Variants in FOXP1 observed in about 807,000 individuals in gnomAD.
FOXP1 encodes the protein forkhead box P1, also known as forkhead box protein P1.
A neutral mutation model predicts 98.2 loss-of-function variants in FOXP1; 15 were observed. That is an observed-to-expected ratio of 0.15 (90% CI 0.10 to 0.24). FOXP1 has a LOEUF of 0.24. Among genes scored for constraint, FOXP1 ranks in the 10% least tolerant of loss-of-function variants. The pLI is 1.00. For missense variants in FOXP1, 633 were observed against 848.5 expected (o/e 0.75, Z 3.15); for synonymous variants, 371 against 314.5 (o/e 1.18, Z -1.90).
chr3:71,095,876 A>T (rs2056406321), intron 7 of FOXP1, among the ~76,000 whole-genome samples: 1 of 152,192 alleles, frequency 6.6e-6, no homozygotes, highest in African/African-American at 2.4e-5. Context: ...ATGTGTAGAG[A>T]AAAGGAGATG....
intron 2 of FOXP1, among the ~76,000 whole-genome samples, chr3:71,514,635 C>G (rs572868365): frequency 2.2e-4 from 33 of 152,348 alleles, no homozygotes; most frequent in Non-Finnish European, 3.5e-4. Context: ...GGCTCTCCCC[C>G]CTGTTGGGAA....
intron 4 of FOXP1, among the ~76,000 whole-genome samples, chr3:71,317,582 G>A (rs1345821095): frequency 6.6e-6 from 1 of 152,160 alleles, no homozygotes; most frequent in South Asian, 2.1e-4. Flanking sequence ...TGCCTTTCAC[G>A]TGACTTAGTA....
At chr3:71,330,989 C>T (rs1053872022) in intron 4 of FOXP1, among the ~76,000 whole-genome samples, 2 of 152,388 alleles carry the variant, frequency 1.3e-5, no homozygotes, top group African/African-American at 4.8e-5. Flanking sequence ...TCGCAGCCCT[C>T]GCTTGCTCTG....
intron 10 of FOXP1, among the ~76,000 whole-genome samples, chr3:71,043,011 A>G (rs1305176781): frequency 6.6e-6 from 1 of 152,146 alleles, no homozygotes; most frequent in African/African-American, 2.4e-5. Context: ...TTCACCGTGG[A>G]TCGTTTGCAT....
chr3:70,968,155 A>T (rs1200584825), intron 19 of FOXP1, among the ~76,000 whole-genome samples: 2 of 152,158 alleles, frequency 1.3e-5, no homozygotes, highest in Non-Finnish European at 2.9e-5. Flanking sequence ...GCAAGCACTT[A>T]TACTGATCCC....
At chr3:70,976,902 C>T (rs1173159579) in intron 17 of FOXP1, 39 bp downstream of exon 17, 22 of 1,422,084 alleles carry the variant, frequency 1.5e-5, no homozygotes, top group Middle Eastern at 1.7e-4. Context: ...GTTCTATGAA[C>T]GTCAAGATCC....
chr3:70,996,598 G>A (rs79847902), intron 13 of FOXP1, among the ~76,000 whole-genome samples: 14,131 of 152,174 alleles, frequency 0.093, 1,348 homozygotes, highest in East Asian at 0.5. Flanking sequence ...TTGGGTGAAA[G>A]TTTTCTGGGG....
intron 5 of FOXP1, among the ~76,000 whole-genome samples, chr3:71,211,462 T>G (rs2064456074): frequency 6.6e-6 from 1 of 152,128 alleles, no homozygotes; most frequent in South Asian, 2.1e-4. Context: ...CCCCTTGGCC[T>G]CCTAAAGTGC....
chr3:71,179,796 G>A (rs1165263337), intron 6 of FOXP1, among the ~76,000 whole-genome samples: 2 of 152,216 alleles, frequency 1.3e-5, no homozygotes, highest in South Asian at 2.1e-4. Context: ...AGGATTGCAA[G>A]CGATATAGCT....
chr3:70,999,558 T>C (rs188073506), intron 13 of FOXP1, among the ~76,000 whole-genome samples: 1 of 152,366 alleles, frequency 6.6e-6, no homozygotes, highest in Admixed American at 6.5e-5. Context: ...TGTATAAATA[T>C]CTTACTGTTC....
At chr3:71,310,906 G>T (rs1460528049) in intron 4 of FOXP1, among the ~76,000 whole-genome samples, 3 of 152,184 alleles carry the variant, frequency 2.0e-5, no homozygotes, top group Non-Finnish European at 4.4e-5. Flanking sequence ...GCCACATCTG[G>T]CTCTTGGCGG....
chr3:71,205,876 C>T (rs1048157703), intron 5 of FOXP1, among the ~76,000 whole-genome samples: 2 of 152,104 alleles, frequency 1.3e-5, no homozygotes, highest in African/African-American at 4.8e-5. Context: ...CTTAGAAAAC[C>T]CATGCTTATT....
chr3:71,246,650 C>T (rs2067770979), intron 5 of FOXP1, among the ~76,000 whole-genome samples: 1 of 152,204 alleles, frequency 6.6e-6, no homozygotes, highest in Non-Finnish European at 1.5e-5. Context: ...TGCCACTTAT[C>T]TGCACTGCTG....
At chr3:71,493,234 T>C (rs904474938) in intron 3 of FOXP1, among the ~76,000 whole-genome samples, 192 bp downstream of exon 3, 6 of 152,228 alleles carry the variant, frequency 3.9e-5, no homozygotes, top group African/African-American at 7.2e-5. Context: ...AGTTATCCTA[T>C]GTCCTATTAT....
chr3:71,164,919 A>G (rs1216050783), intron 6 of FOXP1, among the ~76,000 whole-genome samples: 2 of 152,206 alleles, frequency 1.3e-5, no homozygotes, highest in African/African-American at 4.8e-5. Flanking sequence ...TAAAGAAAAA[A>G]GAGAGTAGTT....
intron 5 of FOXP1, among the ~76,000 whole-genome samples, chr3:71,253,140 AG>A (rs1253444067): frequency 2.0e-5 from 3 of 152,248 alleles, no homozygotes; most frequent in African/African-American, 7.2e-5. Context: ...AAAAATTAAA[AG>A]GTCAAAAAAA....
At chr3:71,405,138 T>C (rs554096887) in intron 3 of FOXP1, among the ~76,000 whole-genome samples, 3 of 152,294 alleles carry the variant, frequency 2.0e-5, no homozygotes, top group East Asian at 1.9e-4. Context: ...GGGGCAAGGA[T>C]GCATGGCCCC....
intron 5 of FOXP1, among the ~76,000 whole-genome samples, chr3:71,200,076 C>A: frequency 1.5e-5 from 1 of 67,746 alleles, no homozygotes. Flanking sequence ...AGCGAGACTC[C>A]ATCTCACAAA....
chr3:71,336,802 A>C (rs2076711940), intron 4 of FOXP1, among the ~76,000 whole-genome samples: 1 of 152,186 alleles, frequency 6.6e-6, no homozygotes. Context: ...AAAGAACACA[A>C]CACCACCTAG....
Sources: allele counts gnomAD v4.1 joint callset (sites outside exome capture counted in the v4.1 genomes callset), GRCh38; gene constraint gnomAD v4.1.1; transcripts MANE v1.5; gene names NCBI Gene and HGNC (gene_info 2026-07-23, HGNC 2026-07-21).